Variants in ASPRV1 observed in about 807,000 individuals in gnomAD.
ASPRV1 encodes the protein retroviral-like aspartic protease 1.
Under a neutral mutation model 11.0 loss-of-function variants are expected in ASPRV1, and 7 were observed. The ratio of observed to expected loss-of-function variants is 0.64; its 90% confidence interval spans 0.36 to 1.20. The LOEUF (loss-of-function observed/expected upper bound fraction) is 1.20. ASPRV1 is among the 50% of genes most tolerant of loss of function. The probability of loss-of-function intolerance (pLI) is 0.02; values close to 1 mark genes in which losing one functional copy is unlikely to be tolerated. For synonymous variants in ASPRV1, 136 were observed against 138.4 expected, an observed-to-expected ratio of 0.98 and a Z score of 0.12; for missense variants, 299 against 320.0, an observed-to-expected ratio of 0.93 and a Z score of 0.50.
the ASPRV1 span, among the ~76,000 whole-genome samples, chr2:70,082,454 T>C: frequency 5.9e-5 from 9 of 151,978 alleles, no homozygotes; most frequent in Middle Eastern, 0.02. Flanking sequence ...CTCACACCTA[T>C]AATCCCAGAA....
At chr2:70,016,877 T>C in the ASPRV1 span, among the ~76,000 whole-genome samples, 5 of 151,702 alleles carry the variant, frequency 3.3e-5, no homozygotes, top group African/African-American at 1.2e-4. Flanking sequence ...AAAAAAAAGA[T>C]AATCCATTAT....
chr2:69,981,495 C>A, the ASPRV1 span, among the ~76,000 whole-genome samples: 1 of 152,142 alleles, frequency 6.6e-6, no homozygotes, highest in African/African-American at 2.4e-5. Context: ...CTTCTAAATG[C>A]ATTTATAAAT....
At chr2:70,023,347 G>C in the ASPRV1 span, among the ~76,000 whole-genome samples, 1 of 152,200 alleles carries the variant, frequency 6.6e-6, no homozygotes, top group African/African-American at 2.4e-5. Context: ...GGAGGGAAGA[G>C]AGGTCTATGC....
At chr2:70,042,021 G>A in the ASPRV1 span, among the ~76,000 whole-genome samples, 4 of 151,628 alleles carry the variant, frequency 2.6e-5, no homozygotes, top group Non-Finnish European at 4.4e-5. Context: ...CATTCCTTTG[G>A]GATAAAGATT....
downstream of ASPRV1, among the ~76,000 whole-genome samples, chr2:69,958,232 C>G (rs902592205): frequency 6.6e-6 from 1 of 152,142 alleles, no homozygotes; most frequent in Non-Finnish European, 1.5e-5. Flanking sequence ...CAGCCTCACT[C>G]GGGTCTCCCA....
At chr2:70,023,185 C>T in the ASPRV1 span, among the ~76,000 whole-genome samples, 1 of 152,322 alleles carries the variant, frequency 6.6e-6, no homozygotes, top group Middle Eastern at 3.4e-3. Flanking sequence ...ACAACCCCTC[C>T]CCACTGCCAC....
chr2:70,074,371 C>A, the ASPRV1 span, among the ~76,000 whole-genome samples: 1 of 150,812 alleles, frequency 6.6e-6, no homozygotes, highest in Admixed American at 6.6e-5. Flanking sequence ...TCACTGCAAC[C>A]TCTGCCTCCT....
the ASPRV1 span, among the ~76,000 whole-genome samples, chr2:70,023,550 G>A: frequency 2.0e-5 from 3 of 151,974 alleles, no homozygotes; most frequent in African/African-American, 7.2e-5. Context: ...GCACACACCT[G>A]TAATCCCAGC....
At chr2:70,073,873 C>A in the ASPRV1 span, among the ~76,000 whole-genome samples, 1 of 151,986 alleles carries the variant, frequency 6.6e-6, no homozygotes, top group Non-Finnish European at 1.5e-5. Context: ...GTGACTCACA[C>A]CTGTAATCCC....
chr2:69,961,906 T>C, upstream of ASPRV1: 1 of 479,570 alleles, frequency 2.1e-6, no homozygotes, highest in Non-Finnish European at 3.8e-6. Flanking sequence ...GAGGATGTGA[T>C]GACATTCAGG....
the ASPRV1 span, among the ~76,000 whole-genome samples, chr2:69,988,000 TA>T: frequency 6.6e-6 from 1 of 152,222 alleles, no homozygotes; most frequent in Admixed American, 6.5e-5. Context: ...TGAAGAGGTT[TA>T]AAACCCCTGC....
chr2:70,061,267 C>T, the ASPRV1 span, among the ~76,000 whole-genome samples: 2 of 151,874 alleles, frequency 1.3e-5, no homozygotes, highest in Non-Finnish European at 2.9e-5. Flanking sequence ...TGGTGGCGCA[C>T]GCCTGTAGTC....
chr2:69,934,109 A>G, the ASPRV1 span, among the ~76,000 whole-genome samples: 1 of 152,240 alleles, frequency 6.6e-6, no homozygotes, highest in Non-Finnish European at 1.5e-5. Flanking sequence ...CAGCACAGCA[A>G]TGATTAAGCT....
chr2:70,022,487 A>C, the ASPRV1 span, among the ~76,000 whole-genome samples: 1 of 151,680 alleles, frequency 6.6e-6, no homozygotes, highest in Admixed American at 6.6e-5. Flanking sequence ...GGATATTGAG[A>C]CCAGCCTGGG....
chr2:70,044,547 C>T, the ASPRV1 span, among the ~76,000 whole-genome samples: 1 of 152,314 alleles, frequency 6.6e-6, no homozygotes, highest in South Asian at 2.1e-4. Flanking sequence ...GCAACCACCG[C>T]CTCGCGGATT....
chr2:69,971,701 A>G, the ASPRV1 span, among the ~76,000 whole-genome samples: 1 of 152,250 alleles, frequency 6.6e-6, no homozygotes, highest in East Asian at 1.9e-4. Flanking sequence ...CGGCTTTGCC[A>G]GCCTTAGGAT....
chr2:69,972,928 C>A, the ASPRV1 span, among the ~76,000 whole-genome samples: 1 of 152,068 alleles, frequency 6.6e-6, no homozygotes, highest in Non-Finnish European at 1.5e-5. Flanking sequence ...CCACCTGAGG[C>A]CCCCTCCAAC....
At chr2:70,016,622 A>G in the ASPRV1 span, among the ~76,000 whole-genome samples, 1 of 152,268 alleles carries the variant, frequency 6.6e-6, no homozygotes, top group South Asian at 2.1e-4. Flanking sequence ...GAAGGCAGGC[A>G]GACTTGAGGT....
chr2:69,988,620 T>C, the ASPRV1 span: 1 of 358,046 alleles, frequency 2.8e-6, no homozygotes, highest in Admixed American at 3.4e-5. Context: ...GGTTACATGA[T>C]ATTGTAAATA....
Sources: allele counts gnomAD v4.1 joint callset (sites outside exome capture counted in the v4.1 genomes callset), GRCh38; gene constraint gnomAD v4.1.1; transcripts MANE v1.5; gene names NCBI Gene and HGNC (gene_info 2026-07-23, HGNC 2026-07-21).